The following ERMARD variants were observed in gnomAD, a reference collection of about 807,000 sequenced individuals.
ERMARD encodes the protein endoplasmic reticulum membrane-associated RNA degradation protein.
In ERMARD, 71 loss-of-function variants were observed where a neutral mutation model predicts 83.9. That is an observed-to-expected ratio of 0.85 (90% confidence interval 0.70 to 1.03). The LOEUF (loss-of-function observed/expected upper bound fraction) is 1.03, where lower values mean the gene tolerates loss of function less well. ERMARD is among the 50% of genes least tolerant of loss of function. ERMARD has a pLI of 0.00. For synonymous variants in ERMARD, 284 were observed against 298.6 expected (o/e 0.95, Z 0.50); for missense variants, 838 against 810.9 (o/e 1.03, Z -0.41).
chr6:169,753,541 CTT>C (rs80179662), intron 1 of ERMARD, among the ~76,000 whole-genome samples: 5 of 141,834 alleles, frequency 3.5e-5, no homozygotes, highest in African/African-American at 2.6e-5. Flanking sequence ...TGTATTTTTT[CTT>C]TTTTTTTTTT....
At chr6:169,765,082 A>G (rs528325488) in intron 9 of ERMARD, among the ~76,000 whole-genome samples, 1 of 152,376 alleles carries the variant, frequency 6.6e-6, no homozygotes, top group South Asian at 2.1e-4. Context: ...GCTTCAGGAA[A>G]GAGCTGGGCC....
chr6:169,751,347 T>C (rs1790047404), upstream of ERMARD: 3 of 1,613,784 alleles, frequency 1.9e-6, no homozygotes, highest in South Asian at 2.2e-5. Context: ...ACTGCCTCCT[T>C]CTCGAACATG....
intron 9 of ERMARD, among the ~76,000 whole-genome samples, chr6:169,764,438 A>AT (rs367715626): frequency 0.024 from 3,501 of 145,038 alleles, 97 homozygotes; most frequent in South Asian, 0.16. Context: ...TCATTTTTAC[A>AT]TTTTTTTTTT....
intron 5 of ERMARD, among the ~76,000 whole-genome samples, chr6:169,758,482 A>T (rs949589379): frequency 6.6e-6 from 1 of 152,254 alleles, no homozygotes; most frequent in Non-Finnish European, 1.5e-5. Context: ...GCCTGGAGCC[A>T]TGCTGCTCGG....
intron 13 of ERMARD, 52 bp from the exon 14 acceptor site, chr6:169,775,218 T>C: frequency 6.4e-7 from 1 of 1,572,796 alleles, no homozygotes; most frequent in Admixed American, 1.7e-5. Flanking sequence ...AACACAGATT[T>C]TCTAGGAAGT....
intron 9 of ERMARD, 47 bp downstream of exon 9, chr6:169,762,578 C>G: frequency 6.7e-7 from 1 of 1,486,848 alleles, no homozygotes; most frequent in Non-Finnish European, 9.2e-7. Flanking sequence ...GCTGTATTAA[C>G]AGTTTTCTGT....
chr6:169,754,694 A>G (rs1365767853), intron 2 of ERMARD, among the ~76,000 whole-genome samples: 1 of 152,230 alleles, frequency 6.6e-6, no homozygotes, highest in Non-Finnish European at 1.5e-5. Flanking sequence ...CATCTTATAC[A>G]GAAGTCTCTG....
At chr6:169,762,215 A>G (rs959724598) in intron 8 of ERMARD, among the ~76,000 whole-genome samples, 1 of 152,110 alleles carries the variant, frequency 6.6e-6, no homozygotes, top group Non-Finnish European at 1.5e-5. Context: ...CCTCCTGTGT[A>G]GCTAGGACTA....
chr6:169,777,345 T>C (rs919097903), intron 16 of ERMARD, among the ~76,000 whole-genome samples: 5 of 152,208 alleles, frequency 3.3e-5, no homozygotes, highest in Non-Finnish European at 5.9e-5. Flanking sequence ...TTGAGGCCCA[T>C]GAGGAATTTC....
chr6:169,757,799 C>T (rs750894121), intron 5 of ERMARD, among the ~76,000 whole-genome samples: 1 of 152,136 alleles, frequency 6.6e-6, no homozygotes, highest in Non-Finnish European at 1.5e-5. Flanking sequence ...ACTCCTTGTC[C>T]GCTTAAAGAT....
Position 169,759,935 on chromosome 6 carries a change from A to C in ERMARD, c.703A>C (p.Ile235Leu), listed in dbSNP as rs775961329. ...TKLTLAHRSFISLTNLEDLIV... is the reference protein window; with the variant it reads ...TKLTLAHRSFLSLTNLEDLIV... ...ACTTACATTGGCACATCGCTCTTTC[A>C]TATCTCTTACAAACCTCGAGGATTT... The change falls in exon 7 of 18, where the codon ATA becomes CTA. Residue 235 changes from isoleucine (I) to leucine (L), a missense_variant. Coordinates refer to ENST00000366773, the MANE Select transcript of ERMARD (RefSeq NM_018341.3). 9.9e-6 allele frequency: 16 copies of C among 1,614,070 alleles called. No homozygotes were observed. Among genetic ancestry groups the C allele is most frequent in the Non-Finnish European group, 1.0e-5 (12 of 1,180,052 alleles).
At chr6:169,756,142 C>G (rs191944538) in intron 3 of ERMARD, among the ~76,000 whole-genome samples, 196 bp from the exon 4 acceptor site, 3 of 152,256 alleles carry the variant, frequency 2.0e-5, no homozygotes, top group Admixed American at 2.0e-4. Flanking sequence ...AAAGAACCTT[C>G]AAGGAATTCT....
Position 169,762,482 on chromosome 6 carries a change from A to G in ERMARD, c.911A>G (p.Asn304Ser). 2 of 1,614,184 alleles carry G rather than the reference A, an allele frequency of 1.2e-6. No homozygotes were observed. The highest frequency in any genetic ancestry group is 8.5e-7 in the Non-Finnish European group (1 of 1,180,016). Reference sequence around the variant, plus strand: ...ACACAACTGGAGACTGGACTTAGGAATGTTTTTGCCACACTTAACAGATGT... The same window carrying G: ...ACACAACTGGAGACTGGACTTAGGAGTGTTTTTGCCACACTTAACAGATGT... ...LLTQLETGLR[N>S]VFATLNRCPK... is the part of the protein sequence containing the mutation. Residue 304 changes from asparagine (N) to serine (S), a missense_variant, in exon 9 of 18, where the codon AAT becomes AGT. Transcript: ENST00000366773.
rs780569380 is a variant in ERMARD at position 169,773,353 on chromosome 6, C to G, written c.1268C>G (p.Ala423Gly). The G allele has an allele frequency of 5.0e-6, 8 of 1,614,008 alleles. No homozygotes were observed. The highest frequency in any genetic ancestry group is 2.2e-5 in the East Asian group (1 of 44,902). The change falls in exon 13 of 18, where the codon GCA becomes GGA. Residue 423 changes from alanine (A) to glycine (G), a missense_variant. By Grantham distance (60) the Ala-to-Gly change is moderately conservative. Transcript: ENST00000366773. The part of the protein sequence containing the change: ...KSAVELLISL[A>G]EGYSSRCHPV... The stretch of plus-strand genomic sequence containing the variant: ...GCCGTAGAATTGTTGATTAGTCTTG[C>G]AGAAGGCTATAGTTCTCGCTGTCAT...
intron 17 of ERMARD, 41 bp downstream of exon 17, chr6:169,779,336 G>A: frequency 6.4e-7 from 1 of 1,558,546 alleles, no homozygotes. Context: ...ATTGCATCGT[G>A]GGGCAGATTG....
chr6:169,777,368 T>C (rs951837325), intron 16 of ERMARD, among the ~76,000 whole-genome samples: 1 of 152,128 alleles, frequency 6.6e-6, no homozygotes, highest in Non-Finnish European at 1.5e-5. Context: ...TGTGGACAAA[T>C]TATGAGGGAG....
At chr6:169,778,767 T>C (rs764710191) in intron 16 of ERMARD, among the ~76,000 whole-genome samples, 2 of 152,240 alleles carry the variant, frequency 1.3e-5, no homozygotes, top group Non-Finnish European at 2.9e-5. Context: ...TTCAATCTGG[T>C]GGCATTGAGC....
At chr6:169,763,351 T>G (rs149957995) in intron 9 of ERMARD, among the ~76,000 whole-genome samples, 1 of 152,288 alleles carries the variant, frequency 6.6e-6, no homozygotes, top group Non-Finnish European at 1.5e-5. Flanking sequence ...GCCTTCCTTA[T>G]GGAGACTACT....
intron 11 of ERMARD, among the ~76,000 whole-genome samples, chr6:169,768,927 C>G (rs1342020091): frequency 6.6e-6 from 1 of 152,230 alleles, no homozygotes; most frequent in Non-Finnish European, 1.5e-5. Flanking sequence ...TTCCTTCTAA[C>G]AGTCAGGCGA....
Sources: allele counts gnomAD v4.1 joint callset (sites outside exome capture counted in the v4.1 genomes callset), GRCh38; gene constraint gnomAD v4.1.1; transcripts MANE v1.5; gene names NCBI Gene and HGNC (gene_info 2026-07-23, HGNC 2026-07-21).